The following KCNIP1 variants were observed in gnomAD, a reference collection of about 807,000 sequenced individuals.
KCNIP1 encodes the protein potassium voltage-gated channel interacting protein 1.
In KCNIP1, 18 loss-of-function variants were observed where a neutral mutation model predicts 33.0. The observed-to-expected ratio is 0.55, with a 90% CI of 0.38 to 0.81. The LOEUF (loss-of-function observed/expected upper bound fraction) is 0.81. Among genes scored for constraint, KCNIP1 ranks in the 30% least tolerant of loss-of-function variants. The pLI is 0.00. For synonymous variants in KCNIP1, 93 were observed against 98.3 expected, an observed-to-expected ratio of 0.95 and a Z score of 0.32; for missense variants, 238 against 271.6, an observed-to-expected ratio of 0.88 and a Z score of 0.87.
chr5:170,547,334 C>T (rs528413336), intron 1 of KCNIP1, among the ~76,000 whole-genome samples: 14 of 152,244 alleles, frequency 9.2e-5, no homozygotes, highest in Admixed American at 7.2e-4. Flanking sequence ...TTCTTTGCTC[C>T]ATCTATATCT....
chr5:170,426,852 A>G (rs1469605012), intron 1 of KCNIP1, among the ~76,000 whole-genome samples: 1 of 152,290 alleles, frequency 6.6e-6, no homozygotes, highest in Non-Finnish European at 1.5e-5. Flanking sequence ...GCCTGCAGAA[A>G]GAAAGCCATG....
chr5:170,676,818 C>T (rs1008687764), intron 1 of KCNIP1, among the ~76,000 whole-genome samples: 4 of 152,200 alleles, frequency 2.6e-5, no homozygotes, highest in African/African-American at 9.7e-5. Flanking sequence ...CTGAGAGCAG[C>T]AGAAGTAGCT....
chr5:170,538,654 T>G (rs1268908941), intron 1 of KCNIP1, among the ~76,000 whole-genome samples: 1 of 151,800 alleles, frequency 6.6e-6, no homozygotes, highest in East Asian at 2.0e-4. Flanking sequence ...GGATGCATAA[T>G]GAGACCCAGA....
chr5:170,677,978 A>T (rs1375786890), intron 1 of KCNIP1, among the ~76,000 whole-genome samples: 2 of 152,152 alleles, frequency 1.3e-5, no homozygotes, highest in African/African-American at 4.8e-5. Flanking sequence ...ATACAAACAT[A>T]TTCACCTTAC....
At chr5:170,706,319 A>G (rs1763255380) in intron 1 of KCNIP1, among the ~76,000 whole-genome samples, 2 of 152,240 alleles carry the variant, frequency 1.3e-5, no homozygotes, top group African/African-American at 4.8e-5. Context: ...ATTCTAAAAC[A>G]GTAGCAGTAA....
intron 5 of KCNIP1, 85 bp from the exon 6 acceptor site, chr5:170,732,715 G>A (rs1764247085): frequency 1.2e-6 from 1 of 828,084 alleles, no homozygotes; most frequent in South Asian, 1.5e-5. Flanking sequence ...ATTGCCAAGG[G>A]GCACAAGGAG....
At position 170,554,583 on chromosome 5, in the gene KCNIP1, T is replaced by C. The variant is rs142935231; in HGVS notation, c.61+49950T>C. On this transcript the variant is annotated intron_variant, in intron 1 of 7. Transcript: ENST00000328939. ...CACCTGAAGAGTCTTAGAAGCCAGA[T>C]TTGGGGCTGAGCCGCCCTTCCCCAA... Among the ~76,000 whole-genome samples the C allele has an allele frequency of 6.3e-3, 959 of 152,288 alleles. 2 individuals are homozygous for C. The highest frequency in any genetic ancestry group is 8.9e-3 in the Non-Finnish European group (606 of 68,006).
intron 1 of KCNIP1, among the ~76,000 whole-genome samples, chr5:170,708,022 A>C (rs1228794187): frequency 1.3e-5 from 2 of 152,154 alleles, no homozygotes; most frequent in Non-Finnish European, 2.9e-5. Context: ...CCTGGGGCTC[A>C]TTGTTAAGTT....
intron 1 of KCNIP1, among the ~76,000 whole-genome samples, chr5:170,586,006 C>T (rs1192875246): frequency 6.6e-6 from 1 of 152,212 alleles, no homozygotes; most frequent in African/African-American, 2.4e-5. Flanking sequence ...TTAGATGTAT[C>T]TGCTTCCAAG....
At chr5:170,523,923 C>T (rs865830838) in intron 1 of KCNIP1, among the ~76,000 whole-genome samples, 1 of 152,194 alleles carries the variant, frequency 6.6e-6, no homozygotes, top group African/African-American at 2.4e-5. Flanking sequence ...CTTTCCCACT[C>T]CCTGTGCACC....
intron 1 of KCNIP1, among the ~76,000 whole-genome samples, chr5:170,685,444 TGAGGACCA>T (rs1434267935): frequency 6.8e-6 from 1 of 148,058 alleles, no homozygotes; most frequent in Non-Finnish European, 1.5e-5. Context: ...ACACTAGATG[TGAGGACCA>T]GAATATCTTG....
At chr5:170,605,689 T>A (rs1014193321) in intron 1 of KCNIP1, among the ~76,000 whole-genome samples, 3 of 152,214 alleles carry the variant, frequency 2.0e-5, no homozygotes, top group Non-Finnish European at 4.4e-5. Context: ...TATGTGGCCT[T>A]TTGTGCCTGG....
intron 6 of KCNIP1, among the ~76,000 whole-genome samples, 167 bp downstream of exon 6, chr5:170,733,071 G>A (rs1187922913): frequency 1.3e-5 from 2 of 152,198 alleles, no homozygotes; most frequent in Non-Finnish European, 2.9e-5. Flanking sequence ...TCCTTAAGCT[G>A]CAAGTGTACA....
intron 1 of KCNIP1, among the ~76,000 whole-genome samples, chr5:170,677,086 AT>A (rs1762174203): frequency 6.6e-6 from 1 of 152,194 alleles, no homozygotes; most frequent in African/African-American, 2.4e-5. Context: ...CCAGCTGAGC[AT>A]TATTGCCTCT....
At chr5:170,532,208 A>G (rs1484765254) in intron 1 of KCNIP1, among the ~76,000 whole-genome samples, 1 of 152,238 alleles carries the variant, frequency 6.6e-6, no homozygotes, top group Non-Finnish European at 1.5e-5. Context: ...ACTTGGCTAT[A>G]CAAGAAAGGT....
chr5:170,636,201 G>A (rs1458688570), intron 1 of KCNIP1, among the ~76,000 whole-genome samples: 3 of 152,242 alleles, frequency 2.0e-5, no homozygotes, highest in African/African-American at 7.2e-5. Flanking sequence ...GGAAAGCCTA[G>A]CCAGAGACAG....
intron 1 of KCNIP1, among the ~76,000 whole-genome samples, chr5:170,626,276 G>A (rs1759819523): frequency 6.6e-6 from 1 of 152,216 alleles, no homozygotes; most frequent in Non-Finnish European, 1.5e-5. Context: ...GGAAACTGAA[G>A]CTCAGGAATA....
chr5:170,521,579 C>T (rs916495210), intron 1 of KCNIP1, among the ~76,000 whole-genome samples: 6 of 152,220 alleles, frequency 3.9e-5, no homozygotes, highest in South Asian at 2.1e-4. Context: ...CATCAGCTTA[C>T]GTCTGGGAAG....
At chr5:170,387,976 C>T (rs989631071) in intron 1 of KCNIP1, among the ~76,000 whole-genome samples, 2 of 152,228 alleles carry the variant, frequency 1.3e-5, no homozygotes, top group African/African-American at 2.4e-5. Context: ...GGAACTGGAT[C>T]GCACCTGTGG....
Sources: gnomAD v4.1 joint callset for allele counts (sites outside exome capture counted in the v4.1 genomes callset) on GRCh38, gnomAD v4.1.1 for gene constraint, MANE v1.5 for transcripts, NCBI Gene and HGNC (gene_info 2026-07-23, HGNC 2026-07-21) for gene names.